Variants in ANKRD16 observed in about 807,000 individuals in gnomAD.
The protein encoded by ANKRD16 is ankyrin repeat domain-containing protein 16.
In ANKRD16, 35 loss-of-function variants were observed where a neutral mutation model predicts 37.9. The observed-to-expected ratio is 0.92, with a 90% CI of 0.71 to 1.23. ANKRD16 has a LOEUF of 1.23. ANKRD16 is among the 50% of genes most tolerant of loss of function. ANKRD16 has a pLI of 0.00. For missense variants in ANKRD16, 480 were observed against 469.9 expected (o/e 1.02, Z -0.20); for synonymous variants, 206 against 197.2 (o/e 1.04, Z -0.37).
In ANKRD16 at chr10:5,862,497, G is replaced by A; in HGVS notation, c.*228C>T. ...AACCATTTTTGGAGACAGACCCAGG[G>A]AGCTGACCTTGGGGGCCAGTGCAGA... On this transcript the variant is annotated 3_prime_UTR_variant, in exon 8 of 8. Coordinates refer to ENST00000380094, the MANE Select transcript of ANKRD16 (RefSeq NM_019046.3). This position sits in a 1 kb window ranked among gnomAD's most constrained non-coding sequence, Gnocchi z 6.5. 1.3e-6 allele frequency: 1 copy of A among 764,078 alleles called. No individual in the cohort carries two copies. The highest frequency in any genetic ancestry group is 1.9e-6 in the Non-Finnish European group (1 of 519,800). The allele number at this position is 764,078 out of a possible 1,614,324, so 47.3% of individuals were successfully genotyped here.
At position 5,870,248 on chromosome 10, in the gene ANKRD16, C is replaced by T. The variant is rs981215114; in HGVS notation, c.*34-7557G>A. Among the ~76,000 whole-genome samples the T allele has an allele frequency of 3.3e-5, 5 of 152,032 alleles. No homozygotes were observed. The highest frequency in any genetic ancestry group is 7.3e-5 in the African/African-American group (3 of 41,378). On this transcript the variant is annotated intron_variant, in intron 7 of 7. Transcript: ENST00000380094. The surrounding 1 kb of genome is among the most constrained non-coding windows in gnomAD (Gnocchi z 5.0). The stretch of plus-strand genomic sequence containing the variant: ...CTCTGATCTTTGTCCAGCTCCTCAC[C>T]GACCCCTTCACGGAGGCCCCCAGTG...
At chr10:5,876,187 G>C (rs868809754) in intron 7 of ANKRD16, among the ~76,000 whole-genome samples, 1 of 152,114 alleles carries the variant, frequency 6.6e-6, no homozygotes, top group East Asian at 1.9e-4. Flanking sequence ...CCCAGCCCAC[G>C]ATTAATGTTC....
rs11255698 is a variant in ANKRD16, at chr10:5,878,930, A to G, written c.929-643T>C. On this transcript the variant is annotated intron_variant, in intron 6 of 7. Transcript: ENST00000380094. This position sits in a 1 kb window ranked among gnomAD's most constrained non-coding sequence, Gnocchi z 5.1. ...GTACAAAAAACTTTCTAAAAGGCTT[A>G]TTGAATTTGCTTTGTAAGTAAAAAT... Among the ~76,000 whole-genome samples, 44,394 of 152,160 alleles carry G rather than the reference A, an allele frequency of 0.29. 7,130 individuals carry two copies. The highest frequency in any genetic ancestry group is 0.36 in the Middle Eastern group (106 of 294).
chr10:5,878,098 A>G lies in ANKRD16; in HGVS notation c.*32T>C. The G allele has an allele frequency of 6.2e-7, 1 of 1,603,100 alleles. No individual in the cohort carries two copies. The highest frequency in any genetic ancestry group is 8.5e-7 in the Non-Finnish European group (1 of 1,174,218). ...CTTAAGAAGCAGGATATGAATTACC[A>G]TGCACTTTATTGCCTCCTCTTGGAA... On this transcript the variant is annotated splice_region_variant and 3_prime_UTR_variant, in exon 7 of 8. Transcript: ENST00000380094. This position sits in a 1 kb window ranked among gnomAD's most constrained non-coding sequence, Gnocchi z 5.1.
chr10:5,879,860 T>C (rs938605149), intron 6 of ANKRD16, among the ~76,000 whole-genome samples: 2 of 152,134 alleles, frequency 1.3e-5, no homozygotes, highest in African/African-American at 4.8e-5. Flanking sequence ...GCTGAGCTAT[T>C]AGAAGAATAA....
chr10:5,885,620 A>C, intron 3 of ANKRD16, 103 bp downstream of exon 3: 1 of 1,271,576 alleles, frequency 7.9e-7, no homozygotes, highest in Non-Finnish European at 1.1e-6. Context: ...TTGAAAGCCT[A>C]ATTTTTTTCT....
At chr10:5,882,886 A>G (rs1369826706) in intron 5 of ANKRD16, 120 bp downstream of exon 5, 1 of 1,093,794 alleles carries the variant, frequency 9.1e-7, no homozygotes, top group Non-Finnish European at 1.3e-6. Context: ...TTTCAGAAGA[A>G]TATCATGGGC....
At position 5,889,311 on chromosome 10, in the gene ANKRD16, T is replaced by A; in HGVS notation, c.44A>T (p.Gln15Leu). The A allele has an allele frequency of 3.0e-6, 4 of 1,340,474 alleles. No homozygotes were observed. In the African/African-American group the frequency reaches 4.6e-5, roughly 15 times the overall value. 83.0% of individuals were successfully genotyped at this position (1,340,474 alleles called of 1,614,324 possible). A position where few individuals can be genotyped will look rare whatever the true frequency, so the allele number is the denominator to read the frequency against. Residue 15 changes from glutamine to leucine, a missense_variant, in exon 1 of 8, where the codon CAG becomes CTG. Transcript: ENST00000380094. ...CTTCAGGGCGCGCAGCCGGCCCTCCTGCACCAGCCTGCAGAGGCGCCGCGG... is the reference window on the plus strand; with the variant it reads ...CTTCAGGGCGCGCAGCCGGCCCTCCAGCACCAGCCTGCAGAGGCGCCGCGG... ...GDPRRLCRLVQEGRLRALKEE... is the reference protein window; with the variant it reads ...GDPRRLCRLVLEGRLRALKEE...
intron 3 of ANKRD16, 56 bp downstream of exon 3, chr10:5,885,667 T>C (rs1842410860): frequency 1.3e-5 from 20 of 1,597,354 alleles, no homozygotes; most frequent in Non-Finnish European, 1.5e-5. Context: ...AGCACTGATA[T>C]CAACTCTTTG....
chr10:5,878,975 T>C lies in ANKRD16; in HGVS notation c.929-688A>G, dbSNP rs1040246227. Reference sequence around the variant, plus strand: ...AAAAATATCACCACAAATAATCACGTAGCCAAAAAAACACTTTTGAACAAG... The same window carrying C: ...AAAAATATCACCACAAATAATCACGCAGCCAAAAAAACACTTTTGAACAAG... On this transcript the variant is annotated intron_variant, in intron 6 of 7. Transcript: ENST00000380094. This position sits in a 1 kb window ranked among gnomAD's most constrained non-coding sequence, Gnocchi z 5.1. Among the ~76,000 whole-genome samples, 8 of 152,116 alleles carry C rather than the reference T, an allele frequency of 5.3e-5. No individual in the cohort carries two copies. The highest frequency in any genetic ancestry group is 3.3e-4 in the Admixed American group (5 of 15,270).
intron 5 of ANKRD16, among the ~76,000 whole-genome samples, chr10:5,881,447 T>A (rs1379751170): frequency 0.073 from 1,898 of 26,100 alleles, 75 homozygotes; most frequent in African/African-American, 0.18. Flanking sequence ...TTTATATATA[T>A]ATATATATAT....
chr10:5,885,249 C>T (rs183563934), intron 3 of ANKRD16, among the ~76,000 whole-genome samples: 14 of 152,200 alleles, frequency 9.2e-5, no homozygotes, highest in South Asian at 4.1e-4. Flanking sequence ...GGCGCGATCT[C>T]GGCTCACTGC....
At position 5,874,165 on chromosome 10, in the gene ANKRD16, A is replaced by G. The variant is rs960969526; in HGVS notation, c.*33+3932T>C. On this transcript the variant is annotated intron_variant, in intron 7 of 7. Transcript: ENST00000380094. This position sits in a 1 kb window ranked among gnomAD's most constrained non-coding sequence, Gnocchi z 4.7. ...CAGCCTCCCATAATACTGGGACTAC[A>G]GGTGTAAGCCATCGTGCCTGGGCGA... Among the ~76,000 whole-genome samples, 1 of 152,236 alleles carries G rather than the reference A, an allele frequency of 6.6e-6. No individual in the cohort carries two copies. The highest frequency in any genetic ancestry group is 1.5e-5 in the Non-Finnish European group (1 of 68,044).
In ANKRD16 at chr10:5,864,995, A is replaced by G. The variant is rs1277554701; in HGVS notation, c.*34-2304T>C. Among the ~76,000 whole-genome samples the G allele has an allele frequency of 6.6e-6, 1 of 152,206 alleles. No homozygotes were observed. The highest frequency in any genetic ancestry group is 1.5e-5 in the Non-Finnish European group (1 of 68,036). ...ATATCAGGAGAGAGCTCCAAAAGCGAGCCCTGGGCCCTGAACAAAATCTGG... is the reference window on the plus strand; with the variant it reads ...ATATCAGGAGAGAGCTCCAAAAGCGGGCCCTGGGCCCTGAACAAAATCTGG... On this transcript the variant is annotated intron_variant, in intron 7 of 7. Transcript: ENST00000380094. The surrounding 1 kb of genome is among the most constrained non-coding windows in gnomAD (Gnocchi z 4.4).
chr10:5,884,901 T>C (rs573176359), intron 3 of ANKRD16, among the ~76,000 whole-genome samples: 11 of 152,332 alleles, frequency 7.2e-5, no homozygotes, highest in Admixed American at 2.6e-4. Context: ...GTTATTGCTG[T>C]CTGGAATGGT....
At chr10:5,881,009 G>A (rs575565371) in intron 5 of ANKRD16, 1 of 151,830 alleles carries the variant, frequency 6.6e-6, no homozygotes, top group Non-Finnish European at 1.3e-5. Context: ...ATGTTGTCCA[G>A]ACTGATCACA....
At chr10:5,887,784 G>T in intron 2 of ANKRD16, 63 bp downstream of exon 2, 2 of 1,465,236 alleles carry the variant, frequency 1.4e-6, no homozygotes, top group Non-Finnish European at 1.9e-6. Flanking sequence ...AGATGCGGTT[G>T]GGCAGTGCTG....
rs553540193 is a variant in ANKRD16 at position 5,888,284 on chromosome 10, AC to A, written c.315-218del. 1.5e-3 allele frequency among the ~76,000 whole-genome samples: 221 copies of A among 152,350 alleles called. 2 individuals carry two copies. The highest frequency in any genetic ancestry group is 5.1e-3 in the African/African-American group (211 of 41,582). On this transcript the variant is annotated intron_variant, in intron 1 of 7. Coordinates refer to ENST00000380094, the MANE Select transcript of ANKRD16 (RefSeq NM_019046.3). ...GGGAAAATGATTGTAACGAACGTGT[AC>A]CTAGAGGAGAGGGTGCCTGGGAGAC...
In ANKRD16 at chr10:5,876,517, C is replaced by T. The variant is rs184350649; in HGVS notation, c.*33+1580G>A. 5.3e-5 allele frequency among the ~76,000 whole-genome samples: 8 copies of T among 152,298 alleles called. No homozygotes were observed. In the East Asian group the frequency reaches 5.8e-4, roughly 11 times the overall value. The stretch of plus-strand genomic sequence containing the variant: ...CATCTTCAGACCTAGAGGGCATTGA[C>T]GCAGGCATCTCTGGAGGAACAGAAA... On this transcript the variant is annotated intron_variant, in intron 7 of 7. Coordinates refer to ENST00000380094, the MANE Select transcript of ANKRD16 (RefSeq NM_019046.3).
Sources: gnomAD v4.1 joint callset for allele counts (sites outside exome capture counted in the v4.1 genomes callset) on GRCh38, gnomAD v4.1.1 for gene constraint, Gnocchi (gnomAD v3.1) non-coding constraint, MANE v1.5 for transcripts, NCBI Gene and HGNC (gene_info 2026-07-23, HGNC 2026-07-21) for gene names.